SLC24A2: variants seen among roughly 807,000 people sequenced by gnomAD.
The protein encoded by SLC24A2 is sodium/potassium/calcium exchanger 2.
A neutral mutation model predicts 62.0 loss-of-function variants in SLC24A2; 36 were observed. That is an observed-to-expected ratio of 0.58 (90% CI 0.44 to 0.77). The LOEUF (loss-of-function observed/expected upper bound fraction) is 0.77, where lower values mean the gene tolerates loss of function less well. SLC24A2 is among the 30% of genes least tolerant of loss of function. The pLI, the probability that SLC24A2 is intolerant of heterozygous loss-of-function variation, is 0.00. For missense variants in SLC24A2, 846 were observed against 817.9 expected (o/e 1.03, Z -0.42); for synonymous variants, 358 against 294.0 (o/e 1.22, Z -2.23).
chr9:19,768,029 G>T (rs896490588), intron 2 of SLC24A2, among the ~76,000 whole-genome samples: 1 of 152,036 alleles, frequency 6.6e-6, no homozygotes, highest in Non-Finnish European at 1.5e-5. Flanking sequence ...TTCTTCTTAT[G>T]AAGCCATCAG....
At chr9:19,557,963 G>A (rs1223618690) in intron 7 of SLC24A2, among the ~76,000 whole-genome samples, 3 of 151,824 alleles carry the variant, frequency 2.0e-5, no homozygotes, top group African/African-American at 4.8e-5. Context: ...GAGACTACAC[G>A]TATGCACCAC....
At chr9:19,612,725 A>T (rs1837212981) in intron 4 of SLC24A2, among the ~76,000 whole-genome samples, 1 of 150,630 alleles carries the variant, frequency 6.6e-6, no homozygotes, top group Non-Finnish European at 1.5e-5. Context: ...CAAAGACAGG[A>T]AACAAGCTGG....
the SLC24A2 span, among the ~76,000 whole-genome samples, chr9:20,114,971 A>G: frequency 2.0e-5 from 3 of 152,192 alleles, no homozygotes; most frequent in African/African-American, 7.2e-5. Flanking sequence ...ACAAAGTATG[A>G]AACTCAAAGA....
chr9:20,125,939 C>T, the SLC24A2 span, among the ~76,000 whole-genome samples: 1 of 152,188 alleles, frequency 6.6e-6, no homozygotes, highest in Non-Finnish European at 1.5e-5. Flanking sequence ...TCTGCAGCTG[C>T]CAGAGGATCT....
chr9:19,911,840 G>A, the SLC24A2 span, among the ~76,000 whole-genome samples: 1 of 152,068 alleles, frequency 6.6e-6, no homozygotes, highest in South Asian at 2.1e-4. Flanking sequence ...TCAGCACACT[G>A]GGTTCTCTTT....
At chr9:19,992,973 A>G in the SLC24A2 span, among the ~76,000 whole-genome samples, 10 of 152,306 alleles carry the variant, frequency 6.6e-5, no homozygotes, top group African/African-American at 2.2e-4. Flanking sequence ...AGTCAGTGGT[A>G]GCCAACAAAC....
At chr9:19,614,923 A>G (rs1312299190) in intron 4 of SLC24A2, among the ~76,000 whole-genome samples, 1 of 152,106 alleles carries the variant, frequency 6.6e-6, no homozygotes, top group African/African-American at 2.4e-5. Context: ...CATGGAACAG[A>G]AAACTCACCC....
At chr9:19,966,081 G>T in the SLC24A2 span, among the ~76,000 whole-genome samples, 1 of 152,070 alleles carries the variant, frequency 6.6e-6, no homozygotes, top group South Asian at 2.1e-4. Flanking sequence ...ATAATTTACC[G>T]GACATCCCTT....
At chr9:19,777,512 GA>G (rs1201685636) in intron 2 of SLC24A2, among the ~76,000 whole-genome samples, 47 of 152,194 alleles carry the variant, frequency 3.1e-4, no homozygotes, top group African/African-American at 1.1e-3. Context: ...ATGGCAACAT[GA>G]AAATGGCTTT....
intron 2 of SLC24A2, among the ~76,000 whole-genome samples, chr9:19,764,981 T>A (rs151114315): frequency 0.02 from 3,042 of 152,336 alleles, 106 homozygotes; most frequent in African/African-American, 0.07. Context: ...GGTGCTCCTG[T>A]GTTGGGTGCA....
the SLC24A2 span, among the ~76,000 whole-genome samples, chr9:20,034,490 C>G: frequency 1.7e-5 from 2 of 117,080 alleles, no homozygotes; most frequent in Admixed American, 1.0e-4. Flanking sequence ...GACGGAGTCT[C>G]TCTCTGTCGC....
At chr9:20,282,842 CAT>C in the SLC24A2 span, among the ~76,000 whole-genome samples, 1 of 152,180 alleles carries the variant, frequency 6.6e-6, no homozygotes, top group South Asian at 2.1e-4. Context: ...TCATGTTGGA[CAT>C]ATAAAACTAT....
chr9:20,165,347 C>G, the SLC24A2 span, among the ~76,000 whole-genome samples: 3 of 151,622 alleles, frequency 2.0e-5, no homozygotes, highest in Non-Finnish European at 4.4e-5. Flanking sequence ...TATAAAATAG[C>G]TAGGAAAATA....
At chr9:20,204,631 C>T in the SLC24A2 span, among the ~76,000 whole-genome samples, 1 of 152,036 alleles carries the variant, frequency 6.6e-6, no homozygotes, top group Non-Finnish European at 1.5e-5. Flanking sequence ...TAGCACCAAA[C>T]CATGCCAGTA....
At chr9:20,226,085 C>T in the SLC24A2 span, among the ~76,000 whole-genome samples, 16 of 152,072 alleles carry the variant, frequency 1.1e-4, no homozygotes, top group African/African-American at 2.7e-4. Flanking sequence ...CAGAATCAAC[C>T]ACATTGGAGA....
the SLC24A2 span, among the ~76,000 whole-genome samples, chr9:20,019,396 A>G: frequency 6.6e-6 from 1 of 152,172 alleles, no homozygotes; most frequent in Non-Finnish European, 1.5e-5. Flanking sequence ...TTTTCTGCAT[A>G]TGGTTTGCCA....
chr9:20,112,185 T>A, the SLC24A2 span, among the ~76,000 whole-genome samples: 1 of 152,250 alleles, frequency 6.6e-6, no homozygotes, highest in Non-Finnish European at 1.5e-5. Flanking sequence ...GGACACAGAA[T>A]GAAGAAATAA....
chr9:19,800,430 T>C, the SLC24A2 span, among the ~76,000 whole-genome samples: 1 of 152,230 alleles, frequency 6.6e-6, no homozygotes, highest in Non-Finnish European at 1.5e-5. Flanking sequence ...TATTGAGCTC[T>C]GGAACTTTAT....
At chr9:19,661,429 A>G (rs147317180) in intron 2 of SLC24A2, among the ~76,000 whole-genome samples, 90 of 152,270 alleles carry the variant, frequency 5.9e-4, no homozygotes, top group African/African-American at 2.1e-3. Flanking sequence ...TTGCTTTATC[A>G]TCTTTTGGAT....
Sources: gnomAD v4.1 joint callset for allele counts (sites outside exome capture counted in the v4.1 genomes callset) on GRCh38, gnomAD v4.1.1 for gene constraint, MANE v1.5 for transcripts, NCBI Gene and HGNC (gene_info 2026-07-23, HGNC 2026-07-21) for gene names.